STAC2: variants seen among roughly 807,000 people sequenced by gnomAD.
The protein encoded by STAC2 is SH3 and cysteine rich domain 2, also known as SH3 and cysteine-rich domain-containing protein 2.
In STAC2, 36 loss-of-function variants were observed where a neutral mutation model predicts 49.0. That is an observed-to-expected ratio of 0.74 (90% CI 0.56 to 0.97). STAC2 has a LOEUF of 0.97. Ranked by LOEUF, STAC2 falls within the 50% of genes least tolerant of loss-of-function variation. STAC2 has a pLI of 0.00. For synonymous variants in STAC2, 239 were observed against 214.7 expected, an observed-to-expected ratio of 1.11 and a Z score of -0.99; for missense variants, 527 against 543.8, an observed-to-expected ratio of 0.97 and a Z score of 0.31.
intron 4 of STAC2, among the ~76,000 whole-genome samples, chr17:39,215,745 C>G (rs1002302535): frequency 2.0e-5 from 3 of 152,208 alleles, no homozygotes; most frequent in African/African-American, 7.2e-5. Flanking sequence ...GCTCTGCCGC[C>G]CAGGCTGGAG....
intron 10 of STAC2, 79 bp from the exon 11 acceptor site, chr17:39,212,475 G>A: frequency 7.2e-6 from 8 of 1,115,404 alleles, no homozygotes; most frequent in Non-Finnish European, 1.1e-5. Context: ...GCCCCCAGGG[G>A]ACCCACCCTG....
rs1426932548 is a variant in STAC2, at chr17:39,210,627, C to G, written c.*1665G>C. On this transcript the variant is annotated 3_prime_UTR_variant, in exon 11 of 11. Coordinates refer to ENST00000333461, the MANE Select transcript of STAC2 (RefSeq NM_198993.5). Reference sequence around the variant, plus strand: ...AGCCTCATGTACAGTGGGCATTGGGCCCGCCCCTGGGATATTGCTGGGGGG... The same window carrying G: ...AGCCTCATGTACAGTGGGCATTGGGGCCGCCCCTGGGATATTGCTGGGGGG... 4 of 150,028 alleles carry G rather than the reference C, an allele frequency of 2.7e-5. No individual in the cohort carries two copies. Among genetic ancestry groups the G allele is most frequent in the Non-Finnish European group, 5.9e-5 (4 of 67,352 alleles). 9.3% of individuals were successfully genotyped at this position (150,028 alleles called of 1,614,324 possible).
intron 10 of STAC2, among the ~76,000 whole-genome samples, chr17:39,212,791 C>T (rs2046365726): frequency 6.6e-6 from 1 of 152,246 alleles, no homozygotes; most frequent in Non-Finnish European, 1.5e-5. Flanking sequence ...GTCATTCAGT[C>T]TCCTGTCTCT....
At position 39,225,317 on chromosome 17, in the gene STAC2, C is replaced by G; in HGVS notation, c.90+96G>C. The G allele has an allele frequency of 9.2e-7, 1 of 1,089,010 alleles. No homozygotes were observed. The highest frequency in any genetic ancestry group is 1.3e-6 in the Non-Finnish European group (1 of 793,346). The allele number at this position is 1,089,010 out of a possible 1,614,324, so 67.5% of individuals were successfully genotyped here. ...CTCAGTGGTCACGCGGGCCTCGCGACCGCGACCCTAGGACGCCCGGGCCCA... is the reference window on the plus strand; with the variant it reads ...CTCAGTGGTCACGCGGGCCTCGCGAGCGCGACCCTAGGACGCCCGGGCCCA... On this transcript the variant is annotated intron_variant, in intron 1 of 10. Coordinates refer to ENST00000333461, the MANE Select transcript of STAC2 (RefSeq NM_198993.5). This position sits in a 1 kb window ranked among gnomAD's most constrained non-coding sequence, Gnocchi z 8.2.
In STAC2 at chr17:39,212,179, G is replaced by A; in HGVS notation, c.*113C>T. 7 of 705,282 alleles carry A rather than the reference G, an allele frequency of 9.9e-6. No individual in the cohort carries two copies. Among genetic ancestry groups the A allele is most frequent in the Non-Finnish European group, 1.7e-5 (7 of 421,330 alleles). 43.7% of individuals were successfully genotyped at this position (705,282 alleles called of 1,614,324 possible). A position where few individuals can be genotyped will look rare whatever the true frequency, so the allele number is the denominator to read the frequency against. On this transcript the variant is annotated 3_prime_UTR_variant, in exon 11 of 11. Coordinates refer to ENST00000333461, the MANE Select transcript of STAC2 (RefSeq NM_198993.5). ...AAGCCACGGTAAGTGGCACCTAGGAGAGGGACAGAGGGAGGAAGGGTATGG... is the reference window on the plus strand; with the variant it reads ...AAGCCACGGTAAGTGGCACCTAGGAAAGGGACAGAGGGAGGAAGGGTATGG...
Position 39,225,436 on chromosome 17 carries a change from C to T in STAC2, c.67G>A (p.Val23Ile). 2 of 1,606,136 alleles carry T rather than the reference C, an allele frequency of 1.2e-6. No homozygotes were observed. Among genetic ancestry groups the T allele is most frequent in the African/African-American group, 1.4e-5 (1 of 73,734 alleles). The change falls in exon 1 of 11, where the codon GTC becomes ATC. Residue 23 changes from valine to isoleucine, a missense_variant. By Grantham distance (29) the Val-to-Ile change is conservative. Transcript: ENST00000333461. The surrounding 1 kb of genome is among the most constrained non-coding windows in gnomAD (Gnocchi z 8.2). ...DAATHSPPGTVSALQETKLQR... is the reference protein window; with the variant it reads ...DAATHSPPGTISALQETKLQR... ...ACCTTGGTTTCCTGGAGGGCGGAGA[C>T]GGTCCCTGGGGGGCTGTGGGTGGCC... is the stretch of plus-strand genomic sequence containing the variant.
At chr17:39,212,712 G>A (rs964811389) in intron 10 of STAC2, among the ~76,000 whole-genome samples, 1 of 152,200 alleles carries the variant, frequency 6.6e-6, no homozygotes, top group African/African-American at 2.4e-5. Flanking sequence ...AAAAGCCAGA[G>A]CTAGCATTCA....
At position 39,213,110 on chromosome 17, in the gene STAC2, C is replaced by G; in HGVS notation, c.1016G>C (p.Gly339Ala). The change falls in exon 10 of 11, where the codon GGC becomes GCC. Residue 339 changes from glycine (G) to alanine (A), a missense_variant. Coordinates refer to ENST00000333461, the MANE Select transcript of STAC2 (RefSeq NM_198993.5). ...WWKGKIGDRV[G>A]FFPANFVQRV... ...TTGCACAAAATTAGCTGGGAAGAAG[C>G]CAACCCGGTCGCCGATCTTGCCCTG... The G allele has an allele frequency of 6.2e-7, 1 of 1,610,208 alleles. No individual in the cohort carries two copies. The highest frequency in any genetic ancestry group is 1.1e-5 in the South Asian group (1 of 91,086).
At chr17:39,217,754 G>A (rs2046418472) in intron 2 of STAC2, 113 bp downstream of exon 2, 2 of 1,071,002 alleles carry the variant, frequency 1.9e-6, no homozygotes, top group Admixed American at 2.7e-5. Context: ...GGCACAATTA[G>A]TATTGGGGCT....
At chr17:39,217,760 G>C in intron 2 of STAC2, 107 bp downstream of exon 2, 1 of 1,144,118 alleles carries the variant, frequency 8.7e-7, no homozygotes, top group Non-Finnish European at 1.2e-6. Flanking sequence ...ATTAGTATTG[G>C]GGCTCCTGAA....
Position 39,213,085 on chromosome 17 carries a change from T to C in STAC2, c.1041A>G (p.Gln347=), listed in dbSNP as rs2046369185. 1 of 1,612,882 alleles carries C rather than the reference T, an allele frequency of 6.2e-7. No homozygotes were observed. Among genetic ancestry groups the C allele is most frequent in the Non-Finnish European group, 8.5e-7 (1 of 1,180,038 alleles). The change falls in exon 10 of 11, where the codon CAA becomes CAG. Residue 347 remains glutamine (Q), a synonymous_variant. Coordinates refer to ENST00000333461, the MANE Select transcript of STAC2 (RefSeq NM_198993.5). ...RVGFFPANFV[Q]RVRPGENVWR... is the part of the protein sequence containing the mutation. ...AAACATTCTCGCCTGGCCTCACCCGTTGCACAAAATTAGCTGGGAAGAAGC... is the reference window on the plus strand; with the variant it reads ...AAACATTCTCGCCTGGCCTCACCCGCTGCACAAAATTAGCTGGGAAGAAGC...
chr17:39,214,888 G>T (rs8070891), intron 6 of STAC2, 27 bp from the exon 7 acceptor site: 1 of 1,613,628 alleles, frequency 6.2e-7, no homozygotes, highest in Non-Finnish European at 8.5e-7. Context: ...GAAAGGGTGA[G>T]AGGCAGCAGG....
chr17:39,214,867 G>C lies in STAC2; in HGVS notation c.773-6C>G, dbSNP rs930206208. The stretch of plus-strand genomic sequence containing the variant: ...GGCTGTGAATACTGGAGATGCTAGG[G>C]GCAGGAGAGGGAAAGGGTGAGAGGC... On this transcript the variant is annotated splice_region_variant and splice_polypyrimidine_tract_variant and intron_variant, in intron 6 of 10. Transcript: ENST00000333461. 6.2e-7 allele frequency: 1 copy of C among 1,614,004 alleles called. No homozygotes were observed. The highest frequency in any genetic ancestry group is 8.5e-7 in the Non-Finnish European group (1 of 1,179,964).
Position 39,213,870 on chromosome 17 carries a change from T to C in STAC2, c.942-312A>G, listed in dbSNP as rs113214924. On this transcript the variant is annotated intron_variant, in intron 8 of 10. Transcript: ENST00000333461. ...TTTTGTATTTTTAGTACAGATGGGG[T>C]TTCACTATGTTGGCCAGGCTGGTCT... Among the ~76,000 whole-genome samples the C allele has an allele frequency of 5.8e-3, 881 of 152,050 alleles. 5 individuals are homozygous for C. In the Middle Eastern group the frequency reaches 0.061, roughly 11 times the overall value.
intron 1 of STAC2, among the ~76,000 whole-genome samples, chr17:39,224,381 A>G (rs1428630974): frequency 6.6e-6 from 1 of 152,168 alleles, no homozygotes; most frequent in Non-Finnish European, 1.5e-5. Flanking sequence ...CGCCCTTGGC[A>G]CAGCCCTTTC....
rs2046350200 is a variant in STAC2 at position 39,211,057 on chromosome 17, A to C, written c.*1235T>G. The C allele has an allele frequency of 6.6e-6, 1 of 152,432 alleles. No individual in the cohort carries two copies. The highest frequency in any genetic ancestry group is 2.4e-5 in the African/African-American group (1 of 41,428). The allele number at this position is 152,432 out of a possible 1,614,324, so 9.4% of individuals were successfully genotyped here. A position where few individuals can be genotyped will look rare whatever the true frequency, so the allele number is the denominator to read the frequency against. ...GCAGCACCTGCCCTGTCCCCTGCAGAGCCTGGAGAGAAGCAGGAGAAAGGT... is the reference window on the plus strand; with the variant it reads ...GCAGCACCTGCCCTGTCCCCTGCAGCGCCTGGAGAGAAGCAGGAGAAAGGT... On this transcript the variant is annotated 3_prime_UTR_variant, in exon 11 of 11. Transcript: ENST00000333461.
intron 1 of STAC2, among the ~76,000 whole-genome samples, chr17:39,218,920 C>T (rs2046435977): frequency 6.6e-6 from 1 of 152,052 alleles, no homozygotes; most frequent in Non-Finnish European, 1.5e-5. Flanking sequence ...AGTGGTCGTC[C>T]TGGACCCTCA....
At chr17:39,212,472 G>T (rs1160075255) in intron 10 of STAC2, 76 bp from the exon 11 acceptor site, 11 of 1,172,828 alleles carry the variant, frequency 9.4e-6, no homozygotes, top group Non-Finnish European at 1.4e-5. Flanking sequence ...ATGGCCCCCA[G>T]GGGACCCACC....
In STAC2 at chr17:39,212,331, C is replaced by G. The variant is rs1479581544; in HGVS notation, c.1197G>C (p.Lys399Asn). ...DGFIRVSSGK[K>N]RGLVPVDALT... ...GGGCGTCGACTGGCACCAGGCCCCG[C>G]TTCTTGCCACTGCTGACGCGGATGA... The change falls in exon 11 of 11, where the codon AAG becomes AAC. Residue 399 changes from lysine to asparagine, a missense_variant. Physicochemically the swap from Lys to Asn is moderately conservative, Grantham distance 94. Coordinates refer to ENST00000333461, the MANE Select transcript of STAC2 (RefSeq NM_198993.5). 2.0e-5 allele frequency: 33 copies of G among 1,612,276 alleles called. No individual in the cohort carries two copies. The highest frequency in any genetic ancestry group is 2.7e-5 in the Non-Finnish European group (32 of 1,179,226).
Sources: gnomAD v4.1 joint callset for allele counts (sites outside exome capture counted in the v4.1 genomes callset) on GRCh38, gnomAD v4.1.1 for gene constraint, Gnocchi (gnomAD v3.1) non-coding constraint, MANE v1.5 for transcripts, NCBI Gene and HGNC (gene_info 2026-07-23, HGNC 2026-07-21) for gene names.